Variants in DGKB observed in about 807,000 individuals in gnomAD.
DGKB encodes the protein 90 kDa diacylglycerol kinase.
DGKB carries 67 observed loss-of-function variants against 114.3 expected under a neutral mutation model. That is an observed-to-expected ratio of 0.59 (90% confidence interval 0.48 to 0.72). The LOEUF (loss-of-function observed/expected upper bound fraction) is 0.72. Ranked by LOEUF, DGKB falls within the 30% of genes least tolerant of loss-of-function variation. The pLI is 0.00. For synonymous variants in DGKB, 398 were observed against 323.1 expected (o/e 1.23, Z -2.49); for missense variants, 907 against 975.2 (o/e 0.93, Z 0.93).
intron 1 of DGKB, among the ~76,000 whole-genome samples, chr7:14,968,193 G>A (rs1787273221): frequency 6.7e-6 from 1 of 149,988 alleles, no homozygotes. Context: ...ATTAAAGTAT[G>A]GAGATTATAA....
At chr7:14,523,786 C>T (rs1320584166) in intron 20 of DGKB, among the ~76,000 whole-genome samples, 1 of 152,026 alleles carries the variant, frequency 6.6e-6, no homozygotes, top group African/African-American at 2.4e-5. Flanking sequence ...GTAGAAAGAG[C>T]TTAAGTTTTA....
chr7:14,893,527 G>A (rs1781630685), intron 1 of DGKB, among the ~76,000 whole-genome samples: 1 of 151,140 alleles, frequency 6.6e-6, no homozygotes, highest in Non-Finnish European at 1.5e-5. Context: ...TCTTCCCAGG[G>A]ATTTGTAGCG....
chr7:14,873,006 C>T (rs575590226), intron 1 of DGKB, among the ~76,000 whole-genome samples: 15 of 151,816 alleles, frequency 9.9e-5, no homozygotes, highest in Non-Finnish European at 1.6e-4. Flanking sequence ...CCCTTGCCTC[C>T]GATGCCAAAG....
intron 23 of DGKB, among the ~76,000 whole-genome samples, chr7:14,325,365 G>A (rs900002667): frequency 6.6e-6 from 1 of 152,094 alleles, no homozygotes; most frequent in Admixed American, 6.5e-5. Context: ...GTGAGCGATG[G>A]TAGATGTGCA....
chr7:14,911,597 T>C (rs1157690854), intron 1 of DGKB, among the ~76,000 whole-genome samples: 4 of 152,288 alleles, frequency 2.6e-5, no homozygotes, highest in African/African-American at 9.6e-5. Context: ...TCAGGAACTG[T>C]TGATAAATCT....
At chr7:14,835,947 G>C (rs1205602456) in intron 2 of DGKB, among the ~76,000 whole-genome samples, 2 of 152,096 alleles carry the variant, frequency 1.3e-5, no homozygotes, top group African/African-American at 2.4e-5. Flanking sequence ...GTTAACACTT[G>C]TATACTATTT....
chr7:14,936,569 G>C (rs1785281470), intron 1 of DGKB, among the ~76,000 whole-genome samples: 3 of 152,050 alleles, frequency 2.0e-5, no homozygotes. Context: ...GATTTTTCAT[G>C]TCTTCAAAAA....
chr7:14,177,868 T>G lies in DGKB; in HGVS notation c.2243+163A>C, dbSNP rs533563725. Among the ~76,000 whole-genome samples, 4 of 152,352 alleles carry G rather than the reference T, an allele frequency of 2.6e-5. No individual in the cohort carries two copies. In the South Asian group the frequency reaches 8.3e-4, roughly 32 times the overall value. Reference sequence around the variant, plus strand: ...TATCAGTAATAGCTAACCAATATTTTAGACAATCTGCCAATGTCCATTATT... The same window carrying G: ...TATCAGTAATAGCTAACCAATATTTGAGACAATCTGCCAATGTCCATTATT... On this transcript the variant is annotated intron_variant, in intron 24 of 25. Transcript: ENST00000402815.
chr7:14,510,748 T>C (rs1025301708), intron 20 of DGKB, among the ~76,000 whole-genome samples: 3 of 152,292 alleles, frequency 2.0e-5, no homozygotes, highest in South Asian at 2.1e-4. Flanking sequence ...CCTTACAAAA[T>C]GTATTTCTTA....
chr7:14,588,520 C>A (rs762731243), intron 17 of DGKB, among the ~76,000 whole-genome samples: 1 of 151,988 alleles, frequency 6.6e-6, no homozygotes. Flanking sequence ...GAAGTACTTT[C>A]TTTTCTTCTC....
intron 1 of DGKB, among the ~76,000 whole-genome samples, chr7:14,889,160 A>G (rs539610398): frequency 1.6e-4 from 25 of 151,792 alleles, no homozygotes; most frequent in African/African-American, 5.5e-4. Flanking sequence ...CTATCATATC[A>G]GCAAATTATC....
At chr7:14,686,101 A>T (rs970197260) in intron 9 of DGKB, among the ~76,000 whole-genome samples, 1 of 152,174 alleles carries the variant, frequency 6.6e-6, no homozygotes, top group African/African-American at 2.4e-5. Context: ...TAATATTTTT[A>T]TTTATAACAA....
chr7:14,399,590 A>G (rs1822775300), intron 21 of DGKB, among the ~76,000 whole-genome samples: 1 of 151,890 alleles, frequency 6.6e-6, no homozygotes, highest in Non-Finnish European at 1.5e-5. Context: ...ATTGATTACT[A>G]TGTATAGTGA....
At chr7:14,863,326 T>G (rs1023975926) in intron 1 of DGKB, among the ~76,000 whole-genome samples, 1 of 151,556 alleles carries the variant, frequency 6.6e-6, no homozygotes, top group Non-Finnish European at 1.5e-5. Flanking sequence ...TTTATAAATA[T>G]GTTTCTCATT....
chr7:14,863,959 C>T (rs1018506348), intron 1 of DGKB, among the ~76,000 whole-genome samples: 5 of 151,926 alleles, frequency 3.3e-5, no homozygotes, highest in East Asian at 1.9e-4. Flanking sequence ...ATTAGCCAGG[C>T]GTGGTGGCAC....
intron 20 of DGKB, among the ~76,000 whole-genome samples, chr7:14,531,797 T>C (rs142962727): frequency 9.9e-5 from 15 of 151,326 alleles, no homozygotes; most frequent in African/African-American, 3.6e-4. Context: ...ACAGAAGCTA[T>C]AGAAATCAGG....
chr7:14,231,094 T>C (rs1206806328), intron 23 of DGKB, among the ~76,000 whole-genome samples: 53 of 98,790 alleles, frequency 5.4e-4, no homozygotes, highest in Admixed American at 1.2e-4. Flanking sequence ...TTTCTTTCTT[T>C]CTTTCTTTCT....
At chr7:14,748,006 T>A (rs893010967) in intron 4 of DGKB, among the ~76,000 whole-genome samples, 3 of 152,170 alleles carry the variant, frequency 2.0e-5, no homozygotes, top group African/African-American at 7.2e-5. Flanking sequence ...TGTTTTTAAA[T>A]CCCTGTTAAT....
At chr7:14,377,186 T>C (rs1322444645) in intron 21 of DGKB, among the ~76,000 whole-genome samples, 2 of 152,184 alleles carry the variant, frequency 1.3e-5, no homozygotes, top group East Asian at 3.9e-4. Flanking sequence ...CAGTGCAGAA[T>C]TGTTTCCTGA....
Sources: gnomAD v4.1 joint callset for allele counts (sites outside exome capture counted in the v4.1 genomes callset) on GRCh38, gnomAD v4.1.1 for gene constraint, MANE v1.5 for transcripts, NCBI Gene and HGNC (gene_info 2026-07-23, HGNC 2026-07-21) for gene names.